NRXN3: variants seen among roughly 807,000 people sequenced by gnomAD.
NRXN3 encodes neurexin 3.
NRXN3 carries 32 observed loss-of-function variants against 137.6 expected under a neutral mutation model. That is an observed-to-expected ratio of 0.23 (90% CI 0.18 to 0.31). NRXN3 has a LOEUF of 0.31. Among genes scored for constraint, NRXN3 ranks in the 10% least tolerant of loss-of-function variants. NRXN3 has a pLI of 1.00. For synonymous variants in NRXN3, 798 were observed against 784.5 expected, an observed-to-expected ratio of 1.02 and a Z score of -0.29; for missense variants, 1,574 against 2,062.5, an observed-to-expected ratio of 0.76 and a Z score of 4.59.
At chr14:78,842,088 T>G (rs2099014099) in intron 10 of NRXN3, among the ~76,000 whole-genome samples, 1 of 152,172 alleles carries the variant, frequency 6.6e-6, no homozygotes, top group Non-Finnish European at 1.5e-5. Context: ...TTTCAGGTTT[T>G]CTTTGTACAC....
intron 7 of NRXN3, among the ~76,000 whole-genome samples, chr14:78,712,885 G>A (rs2098415915): frequency 6.6e-6 from 1 of 152,100 alleles, no homozygotes. Flanking sequence ...TAAAGTGTAT[G>A]TTTCATTCTT....
intron 1 of NRXN3, among the ~76,000 whole-genome samples, chr14:78,232,652 C>G (rs1277361444): frequency 3.3e-5 from 5 of 152,172 alleles, no homozygotes; most frequent in Non-Finnish European, 7.4e-5. Context: ...TTTTTTCTCT[C>G]TCCCCCAGCC....
chr14:78,319,605 C>T (rs1027202098), intron 4 of NRXN3, among the ~76,000 whole-genome samples: 2 of 152,202 alleles, frequency 1.3e-5, no homozygotes, highest in Admixed American at 6.5e-5. Flanking sequence ...GCTTGCCTTA[C>T]ACACTGGTGG....
intron 1 of NRXN3, among the ~76,000 whole-genome samples, chr14:78,197,623 C>T (rs964780952): frequency 2.0e-5 from 3 of 152,224 alleles, no homozygotes; most frequent in African/African-American, 7.2e-5. Context: ...AGCTCCCTTG[C>T]TTCCTTCCTG....
At chr14:79,072,090 T>C (rs535130452) in intron 15 of NRXN3, 2 of 152,314 alleles carry the variant, frequency 1.3e-5, no homozygotes, top group East Asian at 3.9e-4. Flanking sequence ...TACCCTTGTC[T>C]GTATGGCTTA....
At chr14:79,239,970 G>A (rs956882051) in intron 15 of NRXN3, among the ~76,000 whole-genome samples, 8 of 152,122 alleles carry the variant, frequency 5.3e-5, no homozygotes, top group African/African-American at 1.9e-4. Context: ...CAAATTTATA[G>A]AGGCAGAGAA....
intron 4 of NRXN3, among the ~76,000 whole-genome samples, chr14:78,373,570 T>C (rs1567400300): frequency 6.6e-6 from 1 of 152,212 alleles, no homozygotes; most frequent in African/African-American, 2.4e-5. Context: ...GCTTGTATTA[T>C]GTGGCTGTGG....
At chr14:79,798,756 G>A (rs998090722) in intron 19 of NRXN3, among the ~76,000 whole-genome samples, 10 of 152,190 alleles carry the variant, frequency 6.6e-5, no homozygotes, top group Non-Finnish European at 1.3e-4. Context: ...GGGCAGTAAG[G>A]AGGGGACAGA....
chr14:79,483,698 A>G (rs1170927021), intron 16 of NRXN3, among the ~76,000 whole-genome samples: 1 of 152,164 alleles, frequency 6.6e-6, no homozygotes, highest in Non-Finnish European at 1.5e-5. Flanking sequence ...GCACTGTGAC[A>G]TCTTTATGCT....
Position 78,320,220 on chromosome 14 carries a change from G to A in NRXN3, c.757+22360G>A, listed in dbSNP as rs1001304541. ...AATCCAGTAACAGGAGAGTCAGAGA[G>A]AACACGTACCACTTGGGAGGGGGTT... is the stretch of plus-strand genomic sequence containing the variant. On this transcript the variant is annotated intron_variant, in intron 4 of 20. Transcript: ENST00000335750. 5.3e-5 allele frequency among the ~76,000 whole-genome samples: 8 copies of A among 152,334 alleles called. No individual in the cohort carries two copies. In the South Asian group the frequency reaches 8.3e-4, roughly 16 times the overall value.
chr14:78,305,192 G>A (rs893513379), intron 4 of NRXN3, among the ~76,000 whole-genome samples: 1 of 152,178 alleles, frequency 6.6e-6, no homozygotes, highest in Non-Finnish European at 1.5e-5. Flanking sequence ...TGCTTTTGTA[G>A]AGTGGTGTGG....
chr14:78,667,314 A>G (rs2097895362), intron 6 of NRXN3, among the ~76,000 whole-genome samples: 1 of 152,130 alleles, frequency 6.6e-6, no homozygotes, highest in Non-Finnish European at 1.5e-5. Flanking sequence ...TACCTCAGAG[A>G]TTTCTTATGA....
At chr14:78,366,107 T>C (rs1183278581) in intron 4 of NRXN3, among the ~76,000 whole-genome samples, 1 of 152,208 alleles carries the variant, frequency 6.6e-6, no homozygotes, top group East Asian at 1.9e-4. Flanking sequence ...ATAGTGCTTA[T>C]CACATAAGGA....
chr14:79,278,711 T>C (rs2080718401), intron 15 of NRXN3, among the ~76,000 whole-genome samples: 2 of 152,216 alleles, frequency 1.3e-5, no homozygotes, highest in Non-Finnish European at 2.9e-5. Flanking sequence ...GCAGCCACCT[T>C]CTGGAAGGAC....
intron 15 of NRXN3, among the ~76,000 whole-genome samples, chr14:79,358,466 C>T (rs971856611): frequency 8.6e-5 from 13 of 150,534 alleles, no homozygotes; most frequent in African/African-American, 3.2e-4. Context: ...CCCAGCTGCT[C>T]CGGAGGCTGA....
At chr14:79,385,212 C>A (rs1334534671) in intron 15 of NRXN3, among the ~76,000 whole-genome samples, 4 of 113,886 alleles carry the variant, frequency 3.5e-5, no homozygotes, top group Non-Finnish European at 5.7e-5. Context: ...CTTCCCCCCG[C>A]CCCCACCCCA....
intron 4 of NRXN3, among the ~76,000 whole-genome samples, chr14:78,521,550 T>A (rs1301948071): frequency 6.6e-6 from 1 of 152,184 alleles, no homozygotes; most frequent in African/African-American, 2.4e-5. Context: ...CAATTGAGGA[T>A]GGTTAAGTGA....
chr14:79,363,751 A>G (rs2093774041), intron 15 of NRXN3, among the ~76,000 whole-genome samples: 1 of 152,246 alleles, frequency 6.6e-6, no homozygotes, highest in Non-Finnish European at 1.5e-5. Flanking sequence ...CAGCTCCTGC[A>G]TAGAATATCT....
intron 4 of NRXN3, among the ~76,000 whole-genome samples, chr14:78,455,667 A>G (rs972971948): frequency 6.6e-6 from 1 of 152,176 alleles, no homozygotes; most frequent in African/African-American, 2.4e-5. Context: ...TCCAAGTGAT[A>G]GCCCCAAGAA....
Sources: allele counts gnomAD v4.1 joint callset (sites outside exome capture counted in the v4.1 genomes callset), GRCh38; gene constraint gnomAD v4.1.1; transcripts MANE v1.5; gene names NCBI Gene and HGNC (gene_info 2026-07-23, HGNC 2026-07-21).